The following LIN52 variants were observed in gnomAD, a reference collection of about 807,000 sequenced individuals.
LIN52 encodes the protein lin-52 DREAM MuvB core complex component.
A neutral mutation model predicts 18.5 loss-of-function variants in LIN52; 4 were observed. The observed-to-expected ratio is 0.22, with a 90% CI of 0.11 to 0.49. LIN52 has a LOEUF of 0.49. LIN52 is among the 20% of genes least tolerant of loss of function. LIN52 has a pLI of 0.97. For synonymous variants in LIN52, 34 were observed against 45.5 expected, an observed-to-expected ratio of 0.75 and a Z score of 1.02; for missense variants, 102 against 139.5, an observed-to-expected ratio of 0.73 and a Z score of 1.35.
At chr14:74,162,510 C>T (rs2061230518) in intron 5 of LIN52, among the ~76,000 whole-genome samples, 1 of 150,220 alleles carries the variant, frequency 6.7e-6, no homozygotes, top group African/African-American at 2.4e-5. Flanking sequence ...GCTCTCCCAC[C>T]CTCTTAGCCA....
At chr14:74,128,012 C>T (rs1385989334) in intron 5 of LIN52, among the ~76,000 whole-genome samples, 1 of 152,182 alleles carries the variant, frequency 6.6e-6, no homozygotes, top group Admixed American at 6.5e-5. Context: ...TTTTGGTCAA[C>T]TTGGTATGTC....
intron 5 of LIN52, among the ~76,000 whole-genome samples, chr14:74,160,374 C>T (rs925453194): frequency 1.3e-5 from 2 of 152,120 alleles, no homozygotes; most frequent in African/African-American, 4.8e-5. Context: ...GCCCAAATAC[C>T]CTTCTCTCTA....
chr14:74,167,923 A>G (rs1330035026), intron 5 of LIN52, among the ~76,000 whole-genome samples: 3 of 152,180 alleles, frequency 2.0e-5, no homozygotes, highest in Non-Finnish European at 4.4e-5. Flanking sequence ...GTTACATTTC[A>G]GAGGGCAGAA....
intron 5 of LIN52, among the ~76,000 whole-genome samples, chr14:74,186,516 T>C (rs1291804697): frequency 2.0e-5 from 3 of 151,464 alleles, no homozygotes; most frequent in Non-Finnish European, 4.4e-5. Flanking sequence ...ACACCTTTAA[T>C]CCCAGCACTT....
intron 5 of LIN52, among the ~76,000 whole-genome samples, chr14:74,170,150 A>G (rs1460926970): frequency 2.0e-5 from 3 of 152,228 alleles, no homozygotes; most frequent in Non-Finnish European, 2.9e-5. Flanking sequence ...GCAGGAGCAT[A>G]TGGAAGAAAA....
chr14:74,181,122 AAAAAAAG>A (rs1843866658), intron 5 of LIN52, among the ~76,000 whole-genome samples: 4 of 130,006 alleles, frequency 3.1e-5, no homozygotes, highest in East Asian at 2.0e-4. Context: ...AAAAAAAAAA[AAAAAAAG>A]AAAAAAGAAA....
intron 4 of LIN52, among the ~76,000 whole-genome samples, chr14:74,098,546 T>C (rs1263889475): frequency 6.9e-6 from 1 of 144,744 alleles, no homozygotes; most frequent in Non-Finnish European, 1.5e-5. Context: ...AAATTTTAAC[T>C]CTGGTTTTTT....
intron 5 of LIN52, among the ~76,000 whole-genome samples, chr14:74,117,333 C>T (rs113630750): frequency 6.6e-5 from 10 of 152,246 alleles, no homozygotes; most frequent in African/African-American, 1.7e-4. Flanking sequence ...TTTATGTTTT[C>T]GGGCTGTCTT....
chr14:74,101,264 AG>A (rs2139877280), intron 5 of LIN52, 26 bp downstream of exon 5: 1 of 1,552,476 alleles, frequency 6.4e-7, no homozygotes, highest in Non-Finnish European at 8.8e-7. Flanking sequence ...GCATTTGTTC[AG>A]GGGTGTATTC....
At chr14:74,107,731 A>G (rs2060905669) in intron 5 of LIN52, among the ~76,000 whole-genome samples, 1 of 152,166 alleles carries the variant, frequency 6.6e-6, no homozygotes, top group South Asian at 2.1e-4. Flanking sequence ...CAAATGACCT[A>G]CTTACTAGCT....
At position 74,166,041 on chromosome 14, in the gene LIN52, G is replaced by A. The variant is rs149500027; in HGVS notation, c.284-32881G>A. On this transcript the variant is annotated intron_variant, in intron 5 of 5. Transcript: ENST00000555028. ...TGAGTAGCTGGGATTACAGGCATGC[G>A]CCACCATTCCCGGCTAATTTTGTAT... Among the ~76,000 whole-genome samples the A allele has an allele frequency of 5.4e-3, 816 of 151,240 alleles. 10 individuals are homozygous for A. Among genetic ancestry groups the A allele is most frequent in the African/African-American group, 0.019 (791 of 41,086 alleles).
intron 5 of LIN52, among the ~76,000 whole-genome samples, chr14:74,130,955 T>TTATG (rs1231077289): frequency 4.9e-5 from 6 of 122,746 alleles, no homozygotes; most frequent in African/African-American, 1.2e-4. Context: ...AAAATTTTTA[T>TTATG]TATTTATTTA....
chr14:74,101,061 T>A, intron 4 of LIN52, 94 bp from the exon 5 acceptor site: 1 of 952,736 alleles, frequency 1.0e-6, no homozygotes, highest in Non-Finnish European at 1.6e-6. Flanking sequence ...TAATTAAGCT[T>A]GAAAACTTGT....
At chr14:74,173,625 C>G (rs2061280412) in intron 5 of LIN52, among the ~76,000 whole-genome samples, 1 of 152,086 alleles carries the variant, frequency 6.6e-6, no homozygotes, top group South Asian at 2.1e-4. Flanking sequence ...CTAATTGTAT[C>G]CTGACTTCCT....
intron 5 of LIN52, among the ~76,000 whole-genome samples, chr14:74,127,591 G>C (rs1487285016): frequency 6.6e-6 from 1 of 152,200 alleles, no homozygotes; most frequent in Non-Finnish European, 1.5e-5. Context: ...GTAAAAAATG[G>C]TTTGCAGGAA....
intron 5 of LIN52, among the ~76,000 whole-genome samples, chr14:74,155,893 C>A (rs1432230807): frequency 1.3e-5 from 2 of 152,114 alleles, no homozygotes; most frequent in Non-Finnish European, 2.9e-5. Flanking sequence ...TCTGTTGAGG[C>A]CTTTCCTCTA....
intron 5 of LIN52, among the ~76,000 whole-genome samples, chr14:74,181,435 C>CAA (rs35376861): frequency 1.2e-4 from 13 of 108,442 alleles, no homozygotes; most frequent in Admixed American, 4.6e-4. Flanking sequence ...AAGACCCTGT[C>CAA]AAAAAAAAAA....
Position 74,162,760 on chromosome 14 carries a change from T to C in LIN52, c.284-36162T>C, listed in dbSNP as rs61295912. On this transcript the variant is annotated intron_variant, in intron 5 of 5. Coordinates refer to ENST00000555028, the MANE Select transcript of LIN52 (RefSeq NM_001024674.3). ...TCATTTCATTTTTCTTGAATTGTTA[T>C]ATTCTCTCCCAACTTTTCTCTTTTT... is the stretch of plus-strand genomic sequence containing the variant. Among the ~76,000 whole-genome samples the C allele has an allele frequency of 8.3e-3, 1,271 of 152,254 alleles. 14 individuals carry two copies. The highest frequency in any genetic ancestry group is 0.03 in the African/African-American group (1,234 of 41,564).
intron 5 of LIN52, among the ~76,000 whole-genome samples, chr14:74,194,530 G>A (rs2078898349): frequency 6.6e-6 from 1 of 152,140 alleles, no homozygotes; most frequent in Non-Finnish European, 1.5e-5. Flanking sequence ...CAGAAACAGT[G>A]GAAACCTGAA....
Sources: gnomAD v4.1 joint callset for allele counts (sites outside exome capture counted in the v4.1 genomes callset) on GRCh38, gnomAD v4.1.1 for gene constraint, MANE v1.5 for transcripts, NCBI Gene and HGNC (gene_info 2026-07-23, HGNC 2026-07-21) for gene names.